Variants in TOP3A observed in about 807,000 individuals in gnomAD.
TOP3A encodes the protein DNA topoisomerase 3-alpha.
Under a neutral mutation model 111.3 loss-of-function variants are expected in TOP3A, and 64 were observed. The ratio of observed to expected loss-of-function variants is 0.57; its 90% CI spans 0.47 to 0.71. The LOEUF (loss-of-function observed/expected upper bound fraction) is 0.71, where lower values mean the gene tolerates loss of function less well. Ranked by LOEUF, TOP3A falls within the 30% of genes least tolerant of loss-of-function variation. The pLI, the probability that TOP3A is intolerant of heterozygous loss-of-function variation, is 0.00. For synonymous variants in TOP3A, 484 were observed against 485.1 expected, an observed-to-expected ratio of 1.00 and a Z score of 0.03; for missense variants, 1,104 against 1,285.0, an observed-to-expected ratio of 0.86 and a Z score of 2.15.
chr17:18,306,642 A>G, intron 4 of TOP3A: 1 of 380,524 alleles, frequency 2.6e-6, no homozygotes, highest in Non-Finnish European at 4.8e-6. Context: ...CTGGGATTAC[A>G]GGCATAAACC....
Position 18,311,094 on chromosome 17 carries a change from G to A in TOP3A, c.181-2153C>T, listed in dbSNP as rs576128460. On this transcript the variant is annotated intron_variant, in intron 1 of 18. Transcript: ENST00000321105. ...CGGCTCACTGCAAGCTCCACCTCCC[G>A]GGTTCATGCCATTCTGCTGCCTCAG... 4.3e-3 allele frequency among the ~76,000 whole-genome samples: 643 copies of A among 150,726 alleles called. 2 individuals are homozygous for A. Among genetic ancestry groups the A allele is most frequent in the Non-Finnish European group, 7.4e-3 (500 of 67,842 alleles).
At chr17:18,289,160 G>A (rs1449297344) in intron 13 of TOP3A, among the ~76,000 whole-genome samples, 1 of 152,174 alleles carries the variant, frequency 6.6e-6, no homozygotes, top group African/African-American at 2.4e-5. Flanking sequence ...TTACAGGCAT[G>A]TGCCACCACG....
rs368341002 is a variant in TOP3A, at chr17:18,309,796, A to G, written c.181-855T>C. Among the ~76,000 whole-genome samples the G allele has an allele frequency of 8.5e-5, 11 of 129,130 alleles. No homozygotes were observed. In the East Asian group the frequency reaches 2.6e-3, roughly 31 times the overall value. 84.7% of individuals were successfully genotyped at this position (129,130 alleles called of 152,430 possible). On this transcript the variant is annotated intron_variant, in intron 1 of 18. Coordinates refer to ENST00000321105, the MANE Select transcript of TOP3A (RefSeq NM_004618.5). ...GTGATCTCGGCTCACTGCAAGCTCCACCTCCCGGGTTCACACCATTCTCCT... is the reference window on the plus strand; with the variant it reads ...GTGATCTCGGCTCACTGCAAGCTCCGCCTCCCGGGTTCACACCATTCTCCT...
At position 18,277,785 on chromosome 17, in the gene TOP3A, C is replaced by T. The variant is rs562124403; in HGVS notation, c.2717G>A (p.Arg906Gln). 6 of 1,614,228 alleles carry T rather than the reference C, an allele frequency of 3.7e-6. No homozygotes were observed. The Admixed American group carries it at 5.0e-5, about 13-fold the overall frequency. ...SCLCSQPSVT[R>Q]TVQKDGPNKG... ...GTTGGGTCCATCCTTCTGCACAGTC[C>T]GTGTGACGGAGGGCTGGCTGCAAAG... The change falls in exon 18 of 19, where the codon CGG becomes CAG. Residue 906 changes from arginine (R) to glutamine (Q), a missense_variant. Transcript: ENST00000321105.
intron 9 of TOP3A, among the ~76,000 whole-genome samples, chr17:18,298,635 T>G: frequency 6.6e-6 from 1 of 151,794 alleles, no homozygotes; most frequent in Admixed American, 6.5e-5. Flanking sequence ...GGGAAAAGAT[T>G]GAGAAATCGG....
At chr17:18,275,442 C>T (rs1461894133) in intron 18 of TOP3A, among the ~76,000 whole-genome samples, 1 of 149,602 alleles carries the variant, frequency 6.7e-6, no homozygotes, top group Non-Finnish European at 1.5e-5. Flanking sequence ...TCACTGCAAG[C>T]TCCACCTCCC....
In TOP3A at chr17:18,277,981, C is replaced by T; in HGVS notation, c.2521G>A (p.Gly841Ser). Reference protein sequence around the residue: ...RGRQFFKCNGGSCNFFLWADS... With the variant: ...RGRQFFKCNGSSCNFFLWADS... ...GCCCACAGGAAGAAGTTGCAGCTAC[C>T]TCCGTTGCACTTAAAGAACTGCCGG... The change falls in exon 18 of 19, where the codon GGT becomes AGT. Residue 841 changes from glycine to serine, a missense_variant. Physicochemically the swap from Gly to Ser is moderately conservative, Grantham distance 56 (BLOSUM62 0). Transcript: ENST00000321105. The T allele has an allele frequency of 6.2e-7, 1 of 1,614,098 alleles. No homozygotes were observed. Among genetic ancestry groups the T allele is most frequent in the Non-Finnish European group, 8.5e-7 (1 of 1,180,048 alleles).
In TOP3A at chr17:18,282,545, G is replaced by C. The variant is rs564181122; in HGVS notation, c.2021+153C>G. Among the ~76,000 whole-genome samples, 20 of 152,328 alleles carry C rather than the reference G, an allele frequency of 1.3e-4. No individual in the cohort carries two copies. In the South Asian group the frequency reaches 4.1e-3, roughly 32 times the overall value. ...CACCTCAAAGGCCTGATCCCACCCTGCTATGCTTTTAGGCCAACACCTTGC... is the reference window on the plus strand; with the variant it reads ...CACCTCAAAGGCCTGATCCCACCCTCCTATGCTTTTAGGCCAACACCTTGC... On this transcript the variant is annotated intron_variant, in intron 16 of 18. Transcript: ENST00000321105.
chr17:18,282,650 C>T (rs568085686), intron 16 of TOP3A, 48 bp downstream of exon 16: 3 of 1,609,588 alleles, frequency 1.9e-6, no homozygotes, highest in Admixed American at 1.7e-5. Context: ...ACGGCTGACA[C>T]CGCAGGTGCT....
At chr17:18,293,689 C>G (rs558655495) in intron 10 of TOP3A, among the ~76,000 whole-genome samples, 24 of 152,026 alleles carry the variant, frequency 1.6e-4, no homozygotes, top group African/African-American at 5.8e-4. Context: ...CTCTGCCTCC[C>G]GGGTTCAAGC....
intron 5 of TOP3A, 100 bp downstream of exon 5, chr17:18,305,012 G>T: frequency 2.2e-6 from 2 of 921,056 alleles, no homozygotes; most frequent in Non-Finnish European, 3.5e-6. Context: ...GAGAGTACCT[G>T]CAGAGGACCT....
chr17:18,280,564 GAC>G lies in TOP3A; in HGVS notation c.2114_2115del (p.Cys705SerfsTer16). 6.2e-7 allele frequency: 1 copy of G among 1,613,798 alleles called. No individual in the cohort carries two copies. The highest frequency in any genetic ancestry group is 8.5e-7 in the Non-Finnish European group (1 of 1,179,876). ...TACACAGGGTGTGGCTGACAAACTG[GAC>G]ACACACTGCTGTCCCTGCTGGCCTC... ...VLEASRDSSV[C>X]PVCQPHPVYR... On this transcript the variant is annotated frameshift_variant, in exon 17 of 19. Coordinates refer to ENST00000321105, the MANE Select transcript of TOP3A (RefSeq NM_004618.5). LOFTEE classifies it high-confidence loss of function.
At chr17:18,286,470 C>T (rs1029563858) in intron 13 of TOP3A, among the ~76,000 whole-genome samples, 8 of 151,954 alleles carry the variant, frequency 5.3e-5, no homozygotes, top group South Asian at 2.1e-4. Context: ...GAGCGGAGAT[C>T]GAGCCACTGC....
intron 9 of TOP3A, among the ~76,000 whole-genome samples, chr17:18,296,846 C>G (rs1231850889): frequency 6.6e-6 from 1 of 152,178 alleles, no homozygotes; most frequent in Non-Finnish European, 1.5e-5. Context: ...GACTTATGTT[C>G]TGTCAGGGTG....
At chr17:18,280,689 G>A in intron 16 of TOP3A, 31 bp from the exon 17 acceptor site, 1 of 1,610,846 alleles carries the variant, frequency 6.2e-7, no homozygotes, top group South Asian at 1.1e-5. Context: ...CAGATGATAG[G>A]AGTGCAGGAG....
chr17:18,279,776 C>G (rs1356838485), intron 17 of TOP3A, among the ~76,000 whole-genome samples: 1 of 152,112 alleles, frequency 6.6e-6, no homozygotes, highest in Non-Finnish European at 1.5e-5. Context: ...CAGCCTAGAC[C>G]TCTAGGATCA....
Position 18,302,450 on chromosome 17 carries a change from G to A in TOP3A, c.644-16C>T, listed in dbSNP as rs73980869. 1.8e-6 allele frequency: 2 copies of A among 1,139,992 alleles called. No individual in the cohort carries two copies. Among genetic ancestry groups the A allele is most frequent in the Non-Finnish European group, 1.3e-6 (1 of 796,874 alleles). 70.6% of individuals were successfully genotyped at this position (1,139,992 alleles called of 1,614,324 possible). On this transcript the variant is annotated splice_polypyrimidine_tract_variant and intron_variant, in intron 6 of 18. Coordinates refer to ENST00000321105, the MANE Select transcript of TOP3A (RefSeq NM_004618.5). ...AAGGCAGCTCCTGGAGAGTGAAGGAGAGTGAAGGAAGGTGAAAATGATGGA... is the reference window on the plus strand; with the variant it reads ...AAGGCAGCTCCTGGAGAGTGAAGGAAAGTGAAGGAAGGTGAAAATGATGGA...
Position 18,292,667 on chromosome 17 carries a change from G to A in TOP3A, c.1259C>T (p.Thr420Ile), listed in dbSNP as rs139890510. 9 of 1,581,586 alleles carry A rather than the reference G, an allele frequency of 5.7e-6. No homozygotes were observed. The African/African-American group carries it at 8.1e-5, about 14-fold the overall frequency. ...AACCTGTAAGTTGTTGGTGTATTTG[G>A]TGGGGTGAATGGGAGGGTGAGCTTG... is the stretch of plus-strand genomic sequence containing the variant. ...SDQAHPPIHP[T>I]KYTNNLQGDE... is the part of the protein sequence containing the mutation. The change falls in exon 11 of 19, where the codon ACC becomes ATC. Residue 420 changes from threonine (T) to isoleucine (I), a missense_variant. Physicochemically the swap from Thr to Ile is moderately conservative, Grantham distance 89 (BLOSUM62 -1). Transcript: ENST00000321105.
chr17:18,281,149 C>T (rs1431812452), intron 16 of TOP3A, among the ~76,000 whole-genome samples: 1 of 152,188 alleles, frequency 6.6e-6, no homozygotes, highest in Non-Finnish European at 1.5e-5. Flanking sequence ...CATCCCATCC[C>T]GGTCTCTCCT....
Sources: gnomAD v4.1 joint callset for allele counts (sites outside exome capture counted in the v4.1 genomes callset) on GRCh38, gnomAD v4.1.1 for gene constraint, MANE v1.5 for transcripts, NCBI Gene and HGNC (gene_info 2026-07-23, HGNC 2026-07-21) for gene names.